Variants in CAD observed in about 807,000 individuals in gnomAD.
CAD encodes multifunctional protein CAD.
Under a neutral mutation model 237.2 loss-of-function variants are expected in CAD, and 81 were observed. The observed-to-expected ratio is 0.34, with a 90% CI of 0.29 to 0.41. The LOEUF is 0.41. Among genes scored for constraint, CAD ranks in the 10% least tolerant of loss-of-function variants. CAD has a pLI of 1.00. For synonymous variants in CAD, 1,196 were observed against 1,162.8 expected (o/e 1.03, Z -0.58); for missense variants, 2,181 against 2,951.7 (o/e 0.74, Z 6.05).
Position 27,239,725 on chromosome 2 carries a change from A to G in CAD, c.5423A>G (p.Asp1808Gly). ...QVLVPPGYGQ[D>G]VRKWPQGAVP... The stretch of plus-strand genomic sequence containing the variant: ...CTGGTACCCCCGGGCTATGGACAGG[A>G]TGTACGGAAGTGGCCACAGGGGGCT... The change falls in exon 34 of 44, where the codon GAT (aspartate) becomes GGT (glycine). Residue 1808 changes from aspartate to glycine, a missense_variant. Asp to Gly is a moderately conservative substitution (Grantham distance 94). Coordinates refer to ENST00000264705, the MANE Select transcript of CAD (RefSeq NM_004341.5). The surrounding 1 kb of genome is among the most constrained non-coding windows in gnomAD (Gnocchi z 4.0). The G allele has an allele frequency of 1.3e-6, 2 of 1,594,392 alleles. No homozygotes were observed. The highest frequency in any genetic ancestry group is 1.7e-6 in the Non-Finnish European group (2 of 1,169,812).
At chr2:27,224,538 T>C in intron 9 of CAD, 48 bp downstream of exon 9, 2 of 1,600,224 alleles carry the variant, frequency 1.2e-6, no homozygotes, top group Non-Finnish European at 1.7e-6. Flanking sequence ...CCCTCAAGAA[T>C]GGAAAGGGTC....
chr2:27,227,633 A>T (rs1675501036), intron 15 of CAD: 1 of 152,228 alleles, frequency 6.6e-6, no homozygotes. Flanking sequence ...TATGAAAATT[A>T]GAATAAACAT....
intron 8 of CAD, 40 bp from the exon 9 acceptor site, chr2:27,224,305 G>C: frequency 6.2e-7 from 1 of 1,611,436 alleles, no homozygotes; most frequent in Non-Finnish European, 8.5e-7. Context: ...CTTGGGTCCA[G>C]CTCAGCTCTA....
At position 27,239,649 on chromosome 2, in the gene CAD, C is replaced by T; in HGVS notation, c.5395-48C>T. ...CTTGCTGACATCTACCCCTTTAGGA[C>T]CTGAGTTCTCTCTGCTCCCTCCTGA... is the stretch of plus-strand genomic sequence containing the variant. On this transcript the variant is annotated intron_variant, in intron 33 of 43. Coordinates refer to ENST00000264705, the MANE Select transcript of CAD (RefSeq NM_004341.5). The surrounding 1 kb of genome is among the most constrained non-coding windows in gnomAD (Gnocchi z 4.0). The T allele has an allele frequency of 6.6e-7, 1 of 1,509,988 alleles. No homozygotes were observed. The highest frequency in any genetic ancestry group is 1.2e-5 in the South Asian group (1 of 80,588). The allele number at this position is 1,509,988 out of a possible 1,614,324, so 93.5% of individuals were successfully genotyped here. A position where few individuals can be genotyped will look rare whatever the true frequency, so the allele number is the denominator to read the frequency against.
rs759376303 is a variant in CAD, at chr2:27,231,469, T to C, written c.2289T>C (p.Gly763=). 1 of 1,585,186 alleles carries C rather than the reference T, an allele frequency of 6.3e-7. No homozygotes were observed. Among genetic ancestry groups the C allele is most frequent in the East Asian group, 2.2e-5 (1 of 44,740 alleles). Residue 763 remains glycine (G), a splice_region_variant and synonymous_variant, in exon 16 of 44, where the codon GGT becomes GGC. Transcript: ENST00000264705. The stretch of plus-strand genomic sequence containing the variant: ...ATTCCTTCCATTCTGTTCTTCCAGG[T>C]GAAGTCATGGGCATTGGGCGTTCAT... ...TKIGSCMKSV[G]EVMGIGRSFE... is the part of the protein sequence containing the mutation.
At chr2:27,218,051 T>C in intron 2 of CAD, 35 bp downstream of exon 2, 2 of 1,549,076 alleles carry the variant, frequency 1.3e-6, no homozygotes, top group Non-Finnish European at 8.7e-7. Flanking sequence ...ACATTCCTTT[T>C]CAAGTCAGTA....
In CAD at chr2:27,232,752, G is replaced by T; in HGVS notation, c.2892+58G>T. ...GCTATTCTGTTCATCTCTAGCAATT[G>T]CTTGGCACTAATCCTGGCATTTCCT... On this transcript the variant is annotated intron_variant, in intron 18 of 43. Coordinates refer to ENST00000264705, the MANE Select transcript of CAD (RefSeq NM_004341.5). The surrounding 1 kb of genome is among the most constrained non-coding windows in gnomAD (Gnocchi z 4.1). 1 of 1,602,156 alleles carries T rather than the reference G, an allele frequency of 6.2e-7. No homozygotes were observed. The highest frequency in any genetic ancestry group is 1.7e-5 in the Admixed American group (1 of 59,846).
Position 27,232,571 on chromosome 2 carries a change from C to T in CAD, c.2769C>T (p.Gly923=), listed in dbSNP as rs1346894240. ...QTNYLYLTYW[G]TTHDLTFRTP... ...ATTACCTATACCTAACGTATTGGGG[C>T]ACCACCCATGACCTCACCTTTCGAA... The change falls in exon 18 of 44, where the codon GGC becomes GGT. Residue 923 remains glycine, a synonymous_variant. Coordinates refer to ENST00000264705, the MANE Select transcript of CAD (RefSeq NM_004341.5). This position sits in a 1 kb window ranked among gnomAD's most constrained non-coding sequence, Gnocchi z 4.1. The T allele has an allele frequency of 1.9e-6, 3 of 1,614,078 alleles. No individual in the cohort carries two copies. The highest frequency in any genetic ancestry group is 2.2e-5 in the East Asian group (1 of 44,900).
intron 15 of CAD, among the ~76,000 whole-genome samples, chr2:27,228,159 A>G (rs888503479): frequency 6.6e-6 from 1 of 152,248 alleles, no homozygotes; most frequent in Non-Finnish European, 1.5e-5. Context: ...TTAAGCCCCT[A>G]GAGTAAATAG....
At position 27,240,109 on chromosome 2, in the gene CAD, T is replaced by C; in HGVS notation, c.5497-156T>C. 1 of 682,072 alleles carries C rather than the reference T, an allele frequency of 1.5e-6. No homozygotes were observed. The highest frequency in any genetic ancestry group is 1.8e-5 in the South Asian group (1 of 56,166). The allele number at this position is 682,072 out of a possible 1,614,324, so 42.3% of individuals were successfully genotyped here. ...TAAAAAAATTAGCCAGGCGTGGTGG[T>C]GCACATCTGTAATCCCAGCTACTTG... On this transcript the variant is annotated intron_variant, in intron 34 of 43. Coordinates refer to ENST00000264705, the MANE Select transcript of CAD (RefSeq NM_004341.5). This position sits in a 1 kb window ranked among gnomAD's most constrained non-coding sequence, Gnocchi z 4.6.
At position 27,217,419 on chromosome 2, in the gene CAD, C is replaced by G; in HGVS notation, c.-133C>G. 1.3e-6 allele frequency: 1 copy of G among 792,698 alleles called. No individual in the cohort carries two copies. The highest frequency in any genetic ancestry group is 2.1e-6 in the Non-Finnish European group (1 of 468,948). 49.1% of individuals were successfully genotyped at this position (792,698 alleles called of 1,614,324 possible). A position where few individuals can be genotyped will look rare whatever the true frequency, so the allele number is the denominator to read the frequency against. ...GCCCGAGGCTCCTACGCTGCCGCGC[C>G]CGGCTTCTCTCCAGCGCCCCGCGCC... is the stretch of plus-strand genomic sequence containing the variant. On this transcript the variant is annotated 5_prime_UTR_variant, in exon 1 of 44. Transcript: ENST00000264705.
chr2:27,217,477 C>A lies in CAD; in HGVS notation c.-75C>A. The A allele has an allele frequency of 2.3e-6, 3 of 1,296,756 alleles. No homozygotes were observed. The highest frequency in any genetic ancestry group is 1.3e-5 in the South Asian group (1 of 79,352). 80.3% of individuals were successfully genotyped at this position (1,296,756 alleles called of 1,614,324 possible). A position where few individuals can be genotyped will look rare whatever the true frequency, so the allele number is the denominator to read the frequency against. On this transcript the variant is annotated 5_prime_UTR_variant, in exon 1 of 44. Coordinates refer to ENST00000264705, the MANE Select transcript of CAD (RefSeq NM_004341.5). ...ACGTGGACCGACTCCGGCGCGCCGT[C>A]CTCACGTGGTTCCAGTGGAGTTTGC... is the stretch of plus-strand genomic sequence containing the variant.
chr2:27,235,895 T>C lies in CAD; in HGVS notation c.4074+255T>C, dbSNP rs1222958737. 2.1e-6 allele frequency: 1 copy of C among 485,628 alleles called. No homozygotes were observed. Among genetic ancestry groups the C allele is most frequent in the Non-Finnish European group, 3.6e-6 (1 of 274,304 alleles). 30.1% of individuals were successfully genotyped at this position (485,628 alleles called of 1,614,324 possible). A position where few individuals can be genotyped will look rare whatever the true frequency, so the allele number is the denominator to read the frequency against. ...TCTCAAAAAAAAAAAAAACAAAGAA[T>C]TATCTCCTATTCCCCTGCTTTTATT... On this transcript the variant is annotated intron_variant, in intron 25 of 43. Coordinates refer to ENST00000264705, the MANE Select transcript of CAD (RefSeq NM_004341.5). This position sits in a 1 kb window ranked among gnomAD's most constrained non-coding sequence, Gnocchi z 5.2.
chr2:27,237,545 G>A lies in CAD; in HGVS notation c.4563G>A (p.Lys1521=). The change falls in exon 28 of 44, where the codon AAG becomes AAA. Residue 1521 remains lysine, a splice_region_variant and synonymous_variant. Transcript: ENST00000264705. This position sits in a 1 kb window ranked among gnomAD's most constrained non-coding sequence, Gnocchi z 4.0. ...CCCCTGCTCTGGCCCTGGCCCAGAA[G>A]GTGAGCCACTGCACTCTTCCTGGTA... ...IDAPALALAQ[K]LAEAGARCDF... is the part of the protein sequence containing the mutation. 2 of 1,612,480 alleles carry A rather than the reference G, an allele frequency of 1.2e-6. No homozygotes were observed. The highest frequency in any genetic ancestry group is 1.7e-6 in the Non-Finnish European group (2 of 1,179,280).
Position 27,239,214 on chromosome 2 carries a change from G to A in CAD, c.5235G>A (p.Gln1745=). 6.2e-7 allele frequency: 1 copy of A among 1,607,682 alleles called. No homozygotes were observed. Among genetic ancestry groups the A allele is most frequent in the Non-Finnish European group, 8.5e-7 (1 of 1,176,162 alleles). The change falls in exon 32 of 44, where the codon CAG becomes CAA. Residue 1745 remains glutamine (Q), a synonymous_variant. Transcript: ENST00000264705. This position sits in a 1 kb window ranked among gnomAD's most constrained non-coding sequence, Gnocchi z 4.0. ...NPRRIFHLPP[Q]EDTYVEVDLE... ...GGCGCATCTTTCACCTGCCCCCGCA[G>A]GAGGACACCTATGTGGAGGTGTGGG...
At chr2:27,220,010 T>C (rs535527773) in intron 2 of CAD, among the ~76,000 whole-genome samples, 16 of 152,360 alleles carry the variant, frequency 1.1e-4, no homozygotes, top group Admixed American at 6.5e-4. Context: ...CAGTTTTTAA[T>C]CACACTCTAT....
At position 27,233,736 on chromosome 2, in the gene CAD, C is replaced by T. The variant is rs1675874703; in HGVS notation, c.3327C>T (p.Arg1109=). The T allele has an allele frequency of 6.2e-7, 1 of 1,614,034 alleles. No homozygotes were observed. Among genetic ancestry groups the T allele is most frequent in the Non-Finnish European group, 8.5e-7 (1 of 1,180,058 alleles). ...NVAYTDGDLE[R]FLSSAAAVSK... ...CCTACACGGATGGAGACCTGGAGCG[C>T]TTCCTGAGCAGCGCAGCAGCCGTCT... Residue 1109 remains arginine, a synonymous_variant, in exon 21 of 44, where the codon CGC becomes CGT. Coordinates refer to ENST00000264705, the MANE Select transcript of CAD (RefSeq NM_004341.5). This position sits in a 1 kb window ranked among gnomAD's most constrained non-coding sequence, Gnocchi z 6.3.
rs1675230102 is a variant in CAD at position 27,222,649 on chromosome 2, T to A, written c.626T>A (p.Leu209Gln). The A allele has an allele frequency of 1.2e-6, 2 of 1,613,444 alleles. No individual in the cohort carries two copies. The highest frequency in any genetic ancestry group is 1.3e-5 in the African/African-American group (1 of 74,894). ...ACTGTGGTACCCTGGGACCATGCAC[T>A]AGACAGCCAAGGTGAGTAGCTGGGG... ...EVTVVPWDHA[L>Q]DSQEYEGLFL... Residue 209 changes from leucine to glutamine, a missense_variant, in exon 5 of 44, where the codon CTA becomes CAA. Coordinates refer to ENST00000264705, the MANE Select transcript of CAD (RefSeq NM_004341.5).
rs773465194 is a variant in CAD at position 27,233,273 on chromosome 2, CTT to C, written c.2992-36_2992-35del. The C allele has an allele frequency of 8.8e-6, 14 of 1,586,098 alleles. No homozygotes were observed. Among genetic ancestry groups the C allele is most frequent in the East Asian group, 2.2e-5 (1 of 44,688 alleles). On this transcript the variant is annotated intron_variant, in intron 19 of 43. Transcript: ENST00000264705. The surrounding 1 kb of genome is among the most constrained non-coding windows in gnomAD (Gnocchi z 6.3). ...GCAGGAAGGCTCAGATTCCTGCCCT[CTT>C]TTGCTGCCACCACTTGTTTCTCCCC...
Sources: allele counts gnomAD v4.1 joint callset (sites outside exome capture counted in the v4.1 genomes callset), GRCh38; gene constraint gnomAD v4.1.1; non-coding constraint Gnocchi (gnomAD v3.1); transcripts MANE v1.5; gene names NCBI Gene and HGNC (gene_info 2026-07-23, HGNC 2026-07-21).